Variants in LMF1 observed in about 807,000 individuals in gnomAD.
The protein encoded by LMF1 is lipase maturation factor 1.
LMF1 carries 68 observed loss-of-function variants against 60.6 expected under a neutral mutation model. That is an observed-to-expected ratio of 1.12 (90% CI 0.92 to 1.37). The LOEUF (loss-of-function observed/expected upper bound fraction) is 1.37, where lower values mean the gene tolerates loss of function less well. LMF1 is among the 40% of genes most tolerant of loss of function. The probability of loss-of-function intolerance (pLI) is 0.00; values close to 1 mark genes in which losing one functional copy is unlikely to be tolerated. For missense variants in LMF1, 948 were observed against 767.2 expected, an observed-to-expected ratio of 1.24 and a Z score of -2.78; for synonymous variants, 418 against 324.7, an observed-to-expected ratio of 1.29 and a Z score of -3.09.
At chr16:876,882 G>C (rs1220038680) in intron 6 of LMF1, among the ~76,000 whole-genome samples, 2 of 152,168 alleles carry the variant, frequency 1.3e-5, no homozygotes, top group Non-Finnish European at 2.9e-5. Context: ...AAAAACGAGA[G>C]AGAAAGATAC....
chr16:907,280 A>G (rs2070994259), intron 4 of LMF1, among the ~76,000 whole-genome samples: 1 of 152,164 alleles, frequency 6.6e-6, no homozygotes, highest in Non-Finnish European at 1.5e-5. Context: ...AGGTTCCTGT[A>G]GTCCCAGCTA....
At position 956,149 on chromosome 16, in the gene LMF1, G is replaced by A. The variant is rs1332067881; in HGVS notation, c.194-1483C>T. Among the ~76,000 whole-genome samples the A allele has an allele frequency of 5.1e-5, 5 of 97,366 alleles. 2 individuals carry two copies. Among genetic ancestry groups the A allele is most frequent in the African/African-American group, 1.4e-4 (2 of 14,792 alleles). The allele number at this position is 97,366 out of a possible 152,430, so 63.9% of individuals were successfully genotyped here. ...GGCACTGTCACATCCACAGGTCTCC[G>A]AGTTCATGTCTCACGGCGCCCACCC... On this transcript the variant is annotated intron_variant, in intron 1 of 10. Coordinates refer to ENST00000262301, the MANE Select transcript of LMF1 (RefSeq NM_022773.4).
chr16:881,190 G>A (rs1216076079), intron 5 of LMF1, among the ~76,000 whole-genome samples: 1 of 152,246 alleles, frequency 6.6e-6, no homozygotes, highest in Non-Finnish European at 1.5e-5. Context: ...AGGCGGCCAT[G>A]TGCACACCCG....
intron 4 of LMF1, chr16:893,441 A>T: frequency 2.2e-6 from 1 of 458,626 alleles, no homozygotes; most frequent in Non-Finnish European, 4.4e-6. Flanking sequence ...TGTCAGAGGG[A>T]AGCTTCTCAG....
chr16:871,891 C>G (rs567177506), intron 6 of LMF1: 110 of 152,904 alleles, frequency 7.2e-4, no homozygotes, highest in Non-Finnish European at 1.3e-3. Context: ...AGATGAACAG[C>G]AGGAGAGGGG....
intron 5 of LMF1, among the ~76,000 whole-genome samples, chr16:889,962 G>T (rs13339206): frequency 0.38 from 57,357 of 151,968 alleles, 12,334 homozygotes; most frequent in African/African-American, 0.57. Flanking sequence ...GGCTGGCCCT[G>T]CTGCCCACCT....
Position 878,503 on chromosome 16 carries a change from C to A in LMF1, c.897+1067G>T, listed in dbSNP as rs965568859. Among the ~76,000 whole-genome samples, 2 of 152,318 alleles carry A rather than the reference C, an allele frequency of 1.3e-5. No individual in the cohort carries two copies. The highest frequency in any genetic ancestry group is 4.1e-4 in the South Asian group (2 of 4,824). ...CGATACAGTAGCGCCCTTGAAAATACATCCACAGGATGACGAGATTGCACC... is the reference window on the plus strand; with the variant it reads ...CGATACAGTAGCGCCCTTGAAAATAAATCCACAGGATGACGAGATTGCACC... On this transcript the variant is annotated intron_variant, in intron 6 of 10. Coordinates refer to ENST00000262301, the MANE Select transcript of LMF1 (RefSeq NM_022773.4). The surrounding 1 kb of genome is among the most constrained non-coding windows in gnomAD (Gnocchi z 5.2).
chr16:912,217 G>A (rs2071142902), intron 3 of LMF1, among the ~76,000 whole-genome samples: 1 of 151,922 alleles, frequency 6.6e-6, no homozygotes, highest in South Asian at 2.1e-4. Flanking sequence ...AGGGGATGCA[G>A]ACAGAGACTC....
intron 3 of LMF1, chr16:933,801 C>A (rs1015756723): frequency 2.3e-6 from 1 of 438,482 alleles, no homozygotes; most frequent in Admixed American, 3.7e-5. Context: ...GTATTGACTG[C>A]GTTGTGTGGG....
intron 4 of LMF1, among the ~76,000 whole-genome samples, chr16:908,019 G>T (rs948650919): frequency 3.3e-5 from 5 of 152,156 alleles, no homozygotes; most frequent in Admixed American, 6.5e-5. Context: ...CTGCGGGGCC[G>T]GCTCCTCTCC....
At chr16:926,997 C>G (rs1439662427) in intron 3 of LMF1, among the ~76,000 whole-genome samples, 1 of 152,186 alleles carries the variant, frequency 6.6e-6, no homozygotes, top group Non-Finnish European at 1.5e-5. Context: ...CCAAGAAACA[C>G]CCCGAGACCC....
chr16:974,222 T>C (rs1429896379), upstream of LMF1, among the ~76,000 whole-genome samples: 1 of 152,126 alleles, frequency 6.6e-6, no homozygotes, highest in East Asian at 1.9e-4. Context: ...GCACTTCACT[T>C]AAAAACAGGC....
intron 4 of LMF1, among the ~76,000 whole-genome samples, chr16:898,034 G>A (rs1450125005): frequency 6.6e-6 from 1 of 152,242 alleles, no homozygotes; most frequent in Non-Finnish European, 1.5e-5. Flanking sequence ...CCTCGCCTCT[G>A]GGCCACTTCA....
In LMF1 at chr16:897,734, G is replaced by A. The variant is rs958116161; in HGVS notation, c.664-4662C>T. Reference sequence around the variant, plus strand: ...TGGGCTCCGTGGGCAGAGGCACTATGGGGTCTATCAAGACCCTCTAGTCTC... The same window carrying A: ...TGGGCTCCGTGGGCAGAGGCACTATAGGGTCTATCAAGACCCTCTAGTCTC... On this transcript the variant is annotated intron_variant, in intron 4 of 10. Transcript: ENST00000262301. The surrounding 1 kb of genome is among the most constrained non-coding windows in gnomAD (Gnocchi z 4.3). Among the ~76,000 whole-genome samples the A allele has an allele frequency of 1.3e-5, 2 of 152,170 alleles. No individual in the cohort carries two copies. Among genetic ancestry groups the A allele is most frequent in the Admixed American group, 1.3e-4 (2 of 15,282 alleles).
chr16:944,787 C>T (rs1446011943), intron 2 of LMF1, among the ~76,000 whole-genome samples: 1 of 152,130 alleles, frequency 6.6e-6, no homozygotes, highest in East Asian at 1.9e-4. Context: ...GCTGAAGTCT[C>T]GCCCTGTCTA....
chr16:957,191 G>A (rs938682659), intron 1 of LMF1, among the ~76,000 whole-genome samples: 3 of 152,140 alleles, frequency 2.0e-5, no homozygotes, highest in African/African-American at 7.2e-5. Context: ...ACACAGGGAT[G>A]AAAGAAGATA....
At chr16:863,074 A>C (rs769060111) in intron 10 of LMF1, among the ~76,000 whole-genome samples, 17 of 152,170 alleles carry the variant, frequency 1.1e-4, no homozygotes, top group Non-Finnish European at 2.4e-4. Context: ...TTTTTGAGGA[A>C]TTGGTCTATT....
At chr16:958,356 T>C (rs2072750523) in intron 1 of LMF1, among the ~76,000 whole-genome samples, 1 of 152,226 alleles carries the variant, frequency 6.6e-6, no homozygotes, top group Non-Finnish European at 1.5e-5. Flanking sequence ...GATAAAGGAT[T>C]TGTATCTAGA....
At chr16:856,719 C>T (rs1286707616) in intron 10 of LMF1, among the ~76,000 whole-genome samples, 1 of 152,242 alleles carries the variant, frequency 6.6e-6, no homozygotes, top group Admixed American at 6.5e-5. Flanking sequence ...GGGCCCCAGG[C>T]CCCAGCGGCC....
Sources: allele counts gnomAD v4.1 joint callset (sites outside exome capture counted in the v4.1 genomes callset), GRCh38; gene constraint gnomAD v4.1.1; non-coding constraint Gnocchi (gnomAD v3.1); transcripts MANE v1.5; gene names NCBI Gene and HGNC (gene_info 2026-07-23, HGNC 2026-07-21).